TRPM3: variants seen among roughly 807,000 people sequenced by gnomAD.
TRPM3 encodes transient receptor potential cation channel subfamily M member 3, also known as long transient receptor potential channel 3.
In TRPM3, 77 loss-of-function variants were observed where a neutral mutation model predicts 181.2. The ratio of observed to expected loss-of-function variants is 0.42; its 90% CI spans 0.35 to 0.51. The LOEUF is 0.51. TRPM3 is among the 20% of genes least tolerant of loss of function. The pLI is 0.01. For missense variants in TRPM3, 1,759 were observed against 2,196.7 expected (o/e 0.80, Z 3.98); for synonymous variants, 745 against 796.4 (o/e 0.94, Z 1.09).
At chr9:70,835,453 A>C (rs1654639863) in intron 5 of TRPM3, among the ~76,000 whole-genome samples, 1 of 151,896 alleles carries the variant, frequency 6.6e-6, no homozygotes, top group Admixed American at 6.6e-5. Context: ...CATAACCTCT[A>C]GTCCCCACCC....
intron 1 of TRPM3, among the ~76,000 whole-genome samples, chr9:71,195,768 T>C (rs536059499): frequency 1.4e-4 from 21 of 152,256 alleles, no homozygotes; most frequent in African/African-American, 4.8e-4. Flanking sequence ...CATGGAATAC[T>C]ATGCAGTCAT....
chr9:70,603,293 A>T (rs779828115), intron 20 of TRPM3, 49 bp downstream of exon 20: 3 of 1,593,568 alleles, frequency 1.9e-6, no homozygotes, highest in Non-Finnish European at 2.6e-6. Flanking sequence ...CCACAGATAG[A>T]ACTTAACCAC....
At chr9:71,126,640 C>G (rs979171593) in intron 1 of TRPM3, among the ~76,000 whole-genome samples, 7 of 152,002 alleles carry the variant, frequency 4.6e-5, no homozygotes, top group African/African-American at 1.7e-4. Context: ...ATAATAGATT[C>G]TAAAATACAC....
chr9:71,176,466 C>T (rs2077111249), intron 1 of TRPM3, among the ~76,000 whole-genome samples: 2 of 151,976 alleles, frequency 1.3e-5, no homozygotes, highest in Non-Finnish European at 2.9e-5. Context: ...GCTACGCAAA[C>T]TGTTAGTATT....
At chr9:70,580,852 A>C (rs2055457835) in intron 22 of TRPM3, among the ~76,000 whole-genome samples, 1 of 152,196 alleles carries the variant, frequency 6.6e-6, no homozygotes, top group South Asian at 2.1e-4. Flanking sequence ...GTCCTTACAC[A>C]ACACCTCTAT....
At chr9:71,133,863 A>G (rs1176693820) in intron 1 of TRPM3, among the ~76,000 whole-genome samples, 1 of 152,146 alleles carries the variant, frequency 6.6e-6, no homozygotes, top group Non-Finnish European at 1.5e-5. Flanking sequence ...ACTTACTTAC[A>G]TATTCTTATA....
At chr9:71,295,706 G>C (rs879939041) in intron 1 of TRPM3, among the ~76,000 whole-genome samples, 1 of 151,906 alleles carries the variant, frequency 6.6e-6, no homozygotes, top group Non-Finnish European at 1.5e-5. Flanking sequence ...TGGCTTGGTA[G>C]CATGTACTAG....
chr9:70,677,325 CAA>C, intron 9 of TRPM3, among the ~76,000 whole-genome samples: 1 of 152,220 alleles, frequency 6.6e-6, no homozygotes, highest in African/African-American at 2.4e-5. Context: ...AATATGACTG[CAA>C]AACTGTCCTG....
Position 70,910,022 on chromosome 9 carries a change from T to C in TRPM3, c.178-45511A>G, listed in dbSNP as rs532939630. ...TGGAATTTGTCACTAATGTTGATTA[T>C]GTACATCCTATAATCCAGCAATTCC... On this transcript the variant is annotated intron_variant, in intron 1 of 25. Coordinates refer to ENST00000677713, the MANE Select transcript of TRPM3 (RefSeq NM_001366145.2). Among the ~76,000 whole-genome samples the C allele has an allele frequency of 9.8e-5, 15 of 152,322 alleles. No homozygotes were observed. In the South Asian group the frequency reaches 3.1e-3, roughly 32 times the overall value.
intron 1 of TRPM3, among the ~76,000 whole-genome samples, chr9:71,248,691 A>T (rs1335466181): frequency 1.3e-5 from 2 of 152,276 alleles, no homozygotes; most frequent in East Asian, 3.9e-4. Context: ...TGTCTGCTTG[A>T]TCTTCCCAGT....
chr9:71,166,366 C>T (rs560460079), intron 1 of TRPM3, among the ~76,000 whole-genome samples: 75 of 152,216 alleles, frequency 4.9e-4, no homozygotes, highest in Non-Finnish European at 8.8e-4. Flanking sequence ...GGCTCTTCTT[C>T]CACGACTTCT....
chr9:71,368,123 A>ATT (rs5898203), intron 1 of TRPM3, among the ~76,000 whole-genome samples: 9 of 150,842 alleles, frequency 6.0e-5, no homozygotes, highest in South Asian at 4.2e-4. Flanking sequence ...AAGGACCAAG[A>ATT]TTTTTTTTTT....
intron 1 of TRPM3, among the ~76,000 whole-genome samples, chr9:71,438,684 A>G (rs1474514191): frequency 6.6e-6 from 1 of 152,198 alleles, no homozygotes; most frequent in Admixed American, 6.5e-5. Context: ...AAAATAAACA[A>G]ATAAATAAAT....
intron 1 of TRPM3, among the ~76,000 whole-genome samples, chr9:71,176,873 A>G (rs935955179): frequency 2.0e-5 from 3 of 152,146 alleles, no homozygotes; most frequent in Non-Finnish European, 2.9e-5. Flanking sequence ...CATGCTATAC[A>G]GTTTTGTAGT....
intron 1 of TRPM3, among the ~76,000 whole-genome samples, chr9:70,988,679 G>T (rs1474751766): frequency 3.3e-5 from 5 of 152,112 alleles, no homozygotes; most frequent in Non-Finnish European, 7.3e-5. Context: ...GATTATTCTT[G>T]TGGGCCTAAT....
At chr9:71,232,491 CTTTTTTTTTTTT>C (rs71352362) in intron 1 of TRPM3, among the ~76,000 whole-genome samples, 18 of 59,124 alleles carry the variant, frequency 3.0e-4, no homozygotes, top group East Asian at 9.4e-4. Context: ...AATTCAGTGT[CTTTTTTTTTTTT>C]TTTTTTTTTT....
At chr9:70,645,892 A>C (rs2058768006) in intron 9 of TRPM3, among the ~76,000 whole-genome samples, 1 of 152,226 alleles carries the variant, frequency 6.6e-6, no homozygotes, top group African/African-American at 2.4e-5. Flanking sequence ...CAAGAAAAAA[A>C]CAACCTGATC....
intron 1 of TRPM3, among the ~76,000 whole-genome samples, chr9:71,040,058 T>C (rs2058654584): frequency 2.0e-5 from 3 of 152,190 alleles, no homozygotes; most frequent in Middle Eastern, 3.2e-3. Flanking sequence ...TTTTACATAA[T>C]GGGAATGAGA....
intron 8 of TRPM3, among the ~76,000 whole-genome samples, chr9:70,753,467 C>T (rs1464215512): frequency 1.3e-5 from 2 of 152,180 alleles, no homozygotes; most frequent in East Asian, 1.9e-4. Flanking sequence ...AAAGCCTAAT[C>T]CAATTAGACT....
Sources: allele counts gnomAD v4.1 joint callset (sites outside exome capture counted in the v4.1 genomes callset), GRCh38; gene constraint gnomAD v4.1.1; transcripts MANE v1.5; gene names NCBI Gene and HGNC (gene_info 2026-07-23, HGNC 2026-07-21).